PDE1C: variants seen among roughly 807,000 people sequenced by gnomAD.
The protein encoded by PDE1C is phosphodiesterase 1C.
A neutral mutation model predicts 93.1 loss-of-function variants in PDE1C; 62 were observed. The ratio of observed to expected loss-of-function variants is 0.67; its 90% CI spans 0.54 to 0.82. The LOEUF is 0.82. PDE1C is among the 40% of genes least tolerant of loss of function. The pLI, the probability that PDE1C is intolerant of heterozygous loss-of-function variation, is 0.00. For missense variants in PDE1C, 742 were observed against 884.6 expected (o/e 0.84, Z 2.04); for synonymous variants, 325 against 310.1 (o/e 1.05, Z -0.50).
intron 1 of PDE1C, among the ~76,000 whole-genome samples, chr7:32,213,513 G>A (rs1031168586): frequency 1.1e-4 from 16 of 152,184 alleles, no homozygotes; most frequent in Admixed American, 3.3e-4. Context: ...CGCCCGGCTC[G>A]TCAAGCCCTT....
chr7:32,316,492 AT>A (rs1415040865), intron 1 of PDE1C, among the ~76,000 whole-genome samples: 2 of 152,240 alleles, frequency 1.3e-5, no homozygotes, highest in Non-Finnish European at 2.9e-5. Flanking sequence ...ATTAGAAAAT[AT>A]TTGGCATAAT....
chr7:31,693,812 TAAGA>T, the PDE1C span, among the ~76,000 whole-genome samples: 1 of 152,078 alleles, frequency 6.6e-6, no homozygotes, highest in East Asian at 1.9e-4. Context: ...ACTTTTTAAA[TAAGA>T]AAGAGAGAAG....
At chr7:31,647,462 G>A in the PDE1C span, among the ~76,000 whole-genome samples, 1 of 146,696 alleles carries the variant, frequency 6.8e-6, no homozygotes, top group African/African-American at 2.5e-5. Flanking sequence ...AGGGCTTCGA[G>A]AACAGCCTGG....
At chr7:32,404,220 C>T (rs1785007865) in intron 1 of PDE1C, among the ~76,000 whole-genome samples, 1 of 152,148 alleles carries the variant, frequency 6.6e-6, no homozygotes, top group African/African-American at 2.4e-5. Context: ...GCTATGAGGG[C>T]TCAAGGAGGA....
intron 16 of PDE1C, among the ~76,000 whole-genome samples, chr7:31,801,220 G>A (rs1785984376): frequency 6.6e-6 from 1 of 151,074 alleles, no homozygotes; most frequent in African/African-American, 2.4e-5. Flanking sequence ...TTAACCTTTA[G>A]CCATGCAGAT....
the PDE1C span, chr7:31,656,256 G>C: frequency 5.6e-6 from 1 of 177,758 alleles, no homozygotes; most frequent in African/African-American, 2.4e-5. Context: ...GTGTTTAAGA[G>C]AGACTATCTG....
chr7:31,674,698 C>A, the PDE1C span, among the ~76,000 whole-genome samples: 1 of 152,082 alleles, frequency 6.6e-6, no homozygotes, highest in Non-Finnish European at 1.5e-5. Flanking sequence ...AGAAATGATA[C>A]TTGTACAATT....
At chr7:32,278,435 T>C (rs565506752) in intron 1 of PDE1C, among the ~76,000 whole-genome samples, 2 of 152,254 alleles carry the variant, frequency 1.3e-5, no homozygotes, top group African/African-American at 4.8e-5. Context: ...AAATTCTTCC[T>C]CACCTAAAGA....
intron 2 of PDE1C, among the ~76,000 whole-genome samples, chr7:31,956,112 T>C (rs539222405): frequency 7.9e-6 from 1 of 126,984 alleles, no homozygotes; most frequent in Non-Finnish European, 1.6e-5. Flanking sequence ...TTCTCCCCGC[T>C]TTTTTTTTTG....
At chr7:32,206,331 C>G (rs1165945160) in intron 2 of PDE1C, among the ~76,000 whole-genome samples, 2 of 152,118 alleles carry the variant, frequency 1.3e-5, no homozygotes, top group Non-Finnish European at 2.9e-5. Context: ...CAGCGTTTTT[C>G]TCTAGGTCAG....
intron 2 of PDE1C, among the ~76,000 whole-genome samples, chr7:32,177,996 T>A (rs954652283): frequency 2.0e-5 from 3 of 152,122 alleles, no homozygotes; most frequent in African/African-American, 7.2e-5. Flanking sequence ...TCCCCCATGG[T>A]CAAAGGTAAC....
At chr7:32,375,219 A>T (rs1269637235) in intron 1 of PDE1C, among the ~76,000 whole-genome samples, 1 of 152,326 alleles carries the variant, frequency 6.6e-6, no homozygotes, top group East Asian at 1.9e-4. Flanking sequence ...ATAGTCCTTC[A>T]GTCAAGGACC....
At chr7:32,193,508 G>C (rs117825018) in intron 2 of PDE1C, among the ~76,000 whole-genome samples, 2 of 152,264 alleles carry the variant, frequency 1.3e-5, no homozygotes, top group Admixed American at 6.5e-5. Flanking sequence ...CTACTTGGTT[G>C]TGTGGCATAG....
At position 31,994,443 on chromosome 7, in the gene PDE1C, A is replaced by G. The variant is rs183205882; in HGVS notation, c.128+57111T>C. Among the ~76,000 whole-genome samples the G allele has an allele frequency of 8.5e-5, 13 of 152,336 alleles. No individual in the cohort carries two copies. In the East Asian group the frequency reaches 1.3e-3, roughly 16 times the overall value. ...GGGTTTAAAAGTAGGTTTGCTATCTATGAGCCGGATGACCCTATGACCTCT... is the reference window on the plus strand; with the variant it reads ...GGGTTTAAAAGTAGGTTTGCTATCTGTGAGCCGGATGACCCTATGACCTCT... On this transcript the variant is annotated intron_variant, in intron 2 of 17. Coordinates refer to ENST00000396191, the MANE Select transcript of PDE1C (RefSeq NM_001191057.4).
At chr7:31,954,853 G>A (rs1807906227) in intron 2 of PDE1C, among the ~76,000 whole-genome samples, 1 of 152,224 alleles carries the variant, frequency 6.6e-6, no homozygotes, top group Admixed American at 6.5e-5. Context: ...TGATGGAAGT[G>A]ATTAGAATAG....
At chr7:32,389,881 C>T (rs984380339) in intron 1 of PDE1C, among the ~76,000 whole-genome samples, 6 of 152,200 alleles carry the variant, frequency 3.9e-5, no homozygotes, top group African/African-American at 1.2e-4. Context: ...CAGGTCTCCC[C>T]AGTGAATCAG....
chr7:31,977,800 A>G (rs17419710), intron 2 of PDE1C, among the ~76,000 whole-genome samples: 26,876 of 152,226 alleles, frequency 0.18, 3,109 homozygotes, highest in Non-Finnish European at 0.25. Flanking sequence ...AAATTAATGA[A>G]TAAGCCCAGT....
the PDE1C span, among the ~76,000 whole-genome samples, chr7:31,656,855 G>T: frequency 1.3e-5 from 2 of 149,742 alleles, no homozygotes; most frequent in East Asian, 4.0e-4. Context: ...CCAAAAAAGA[G>T]CATAGAAGGG....
chr7:31,987,333 C>G (rs986183561), intron 2 of PDE1C, among the ~76,000 whole-genome samples: 1 of 152,142 alleles, frequency 6.6e-6, no homozygotes, highest in Non-Finnish European at 1.5e-5. Context: ...AGGATTTACT[C>G]CCAGCAGTGC....
Sources: gnomAD v4.1 joint callset for allele counts (sites outside exome capture counted in the v4.1 genomes callset) on GRCh38, gnomAD v4.1.1 for gene constraint, MANE v1.5 for transcripts, NCBI Gene and HGNC (gene_info 2026-07-23, HGNC 2026-07-21) for gene names.